GART: variants seen among roughly 807,000 people sequenced by gnomAD.
GART encodes trifunctional purine biosynthetic protein adenosine-3.
GART carries 43 observed loss-of-function variants against 107.2 expected under a neutral mutation model. The ratio of observed to expected loss-of-function variants is 0.40; its 90% CI spans 0.31 to 0.52. The LOEUF is 0.52. Among genes scored for constraint, GART ranks in the 20% least tolerant of loss-of-function variants. GART has a pLI of 0.52. For synonymous variants in GART, 434 were observed against 427.0 expected (o/e 1.02, Z -0.20); for missense variants, 1,107 against 1,206.5 (o/e 0.92, Z 1.22).
At chr21:33,504,709 A>C (rs2084649746) in intron 20 of GART, among the ~76,000 whole-genome samples, 182 bp from the exon 21 acceptor site, 1 of 152,186 alleles carries the variant, frequency 6.6e-6, no homozygotes, top group African/African-American at 2.4e-5. Context: ...CCCTGGAAGC[A>C]GCAAGTACCC....
intron 3 of GART, among the ~76,000 whole-genome samples, 170 bp downstream of exon 3, chr21:33,535,055 A>G (rs1448722880): frequency 1.3e-5 from 2 of 152,216 alleles, no homozygotes; most frequent in Admixed American, 6.5e-5. Context: ...AACTCATCAT[A>G]TAACTGATGC....
Position 33,517,338 on chromosome 21 carries a change from T to C in GART, c.1954+19A>G. On this transcript the variant is annotated intron_variant, in intron 15 of 21. Transcript: ENST00000381815. ...TCAGGCATTTCCAAGCAGGACAGTT[T>C]AAACATGAGGGAGTTTACCTAAAGT... 1 of 1,613,880 alleles carries C rather than the reference T, an allele frequency of 6.2e-7. No homozygotes were observed.
At chr21:33,539,415 G>C (rs756830695) in intron 1 of GART, 59 bp from the exon 2 acceptor site, 4 of 1,333,938 alleles carry the variant, frequency 3.0e-6, no homozygotes, top group Non-Finnish European at 3.1e-6. Context: ...ACCCAGGGAC[G>C]GGCACAGTGG....
chr21:33,522,039 G>C, intron 12 of GART, 149 bp downstream of exon 12: 1 of 542,126 alleles, frequency 1.8e-6, no homozygotes, highest in East Asian at 3.0e-5. Context: ...TTAAAGAAAA[G>C]AAAGCAGAAG....
chr21:33,504,499 C>G lies in GART; in HGVS notation c.2754G>C (p.Leu918Phe). 1 of 1,613,562 alleles carries G rather than the reference C, an allele frequency of 6.2e-7. No individual in the cohort carries two copies. ...CATTTGAACCCTTAAAAGAAGGGAG[C>G]AAGGATGGGTGGATATTGAGCATTT... Reference protein sequence around the residue: ...NGKMLNIHPSLLPSFKGSNAH... With the variant: ...NGKMLNIHPSFLPSFKGSNAH... The change falls in exon 21 of 22, where the codon TTG becomes TTC. Residue 918 changes from leucine (L) to phenylalanine (F), a missense_variant. Coordinates refer to ENST00000381815, the MANE Select transcript of GART (RefSeq NM_000819.5).
chr21:33,523,240 A>T (rs954977216), intron 11 of GART, among the ~76,000 whole-genome samples: 29 of 152,346 alleles, frequency 1.9e-4, no homozygotes, highest in African/African-American at 7.0e-4. Context: ...AAGCATACAA[A>T]AACAAAAAAC....
intron 1 of GART, 95 bp downstream of exon 1, chr21:33,541,970 A>C (rs932548341): frequency 1.3e-5 from 2 of 152,284 alleles, no homozygotes; most frequent in Non-Finnish European, 2.9e-5. Flanking sequence ...AAATTTCTAC[A>C]AATCAGTTTC....
At chr21:33,505,069 G>A (rs2084655406) in intron 20 of GART, among the ~76,000 whole-genome samples, 1 of 152,202 alleles carries the variant, frequency 6.6e-6, no homozygotes, top group Non-Finnish European at 1.5e-5. Context: ...ATGCAGTCAA[G>A]GCTTTTGGGA....
intron 7 of GART, among the ~76,000 whole-genome samples, chr21:33,530,285 C>T (rs528727144): frequency 6.6e-6 from 1 of 152,382 alleles, no homozygotes; most frequent in African/African-American, 2.4e-5. Context: ...TCTGATCTGA[C>T]TTGGTTCTCA....
At chr21:33,512,289 GAAA>G (rs563178142) in intron 16 of GART, among the ~76,000 whole-genome samples, 3 of 65,442 alleles carry the variant, frequency 4.6e-5, no homozygotes, top group African/African-American at 6.2e-5. Context: ...GACTCAAATT[GAAA>G]AAAAAAAAAA....
chr21:33,524,908 G>C lies in GART; in HGVS notation c.1159C>G (p.Leu387Val), dbSNP rs375083926. Reference sequence around the variant, plus strand: ...TTTTCCCGGATGGCTGTGACTGCAAGAACTCTACCCCCATGAGTTACTACT... The same window carrying C: ...TTTTCCCGGATGGCTGTGACTGCAACAACTCTACCCCCATGAGTTACTACT... ...GKVVTHGGRV[L>V]AVTAIRENLI... The change falls in exon 11 of 22, where the codon CTT becomes GTT. Residue 387 changes from leucine to valine, a missense_variant. Coordinates refer to ENST00000381815, the MANE Select transcript of GART (RefSeq NM_000819.5). 1.2e-6 allele frequency: 2 copies of C among 1,614,158 alleles called. No homozygotes were observed. The highest frequency in any genetic ancestry group is 1.3e-5 in the African/African-American group (1 of 75,032).
At chr21:33,504,563 A>G (rs1242780448) in intron 20 of GART, 36 bp from the exon 21 acceptor site, 1 of 1,450,448 alleles carries the variant, frequency 6.9e-7, no homozygotes, top group South Asian at 1.1e-5. Context: ...TCAGAATTTA[A>G]AAATCCTGGG....
chr21:33,538,627 A>G (rs1024947149), intron 2 of GART, among the ~76,000 whole-genome samples: 1 of 152,196 alleles, frequency 6.6e-6, no homozygotes, highest in Non-Finnish European at 1.5e-5. Flanking sequence ...TACTTTTCCA[A>G]TGGATGTGTT....
chr21:33,507,692 C>A lies in GART; in HGVS notation c.2453-1588G>T, dbSNP rs559842641. ...CTAAAAATACAAAAAATTAGCCAGG[C>A]ATAGTGGCAGGTGCCTGTAATCCCA... On this transcript the variant is annotated intron_variant, in intron 18 of 21. Coordinates refer to ENST00000381815, the MANE Select transcript of GART (RefSeq NM_000819.5). Among the ~76,000 whole-genome samples the A allele has an allele frequency of 2.2e-4, 34 of 152,116 alleles. 1 individual carries two copies. In the East Asian group the frequency reaches 6.6e-3, roughly 29 times the overall value.
chr21:33,539,247 C>G lies in GART; in HGVS notation c.69G>C (p.Gln23His), dbSNP rs1196188068. Residue 23 changes from glutamine (Q) to histidine (H), a missense_variant, in exon 2 of 22, where the codon CAG (glutamine) becomes CAC (histidine). Gln to His is a conservative substitution (Grantham distance 24). Transcript: ENST00000381815. ...CCAACACTTGTTTGACATGATGAGA[C>G]TGTGCAAGTTTCCAGGCCAGCGTAT... ...REHTLAWKLA[Q>H]SHHVKQVLVA... is the part of the protein sequence containing the mutation. 2 of 1,614,208 alleles carry G rather than the reference C, an allele frequency of 1.2e-6. No individual in the cohort carries two copies. The highest frequency in any genetic ancestry group is 1.7e-6 in the Non-Finnish European group (2 of 1,180,018).
chr21:33,510,225 G>A (rs753301323), intron 17 of GART: 8 of 241,300 alleles, frequency 3.3e-5, no homozygotes, highest in East Asian at 1.0e-4. Context: ...TCTTCCTAGC[G>A]AGACCACCCA....
At chr21:33,522,316 T>C (rs2834234) in intron 11 of GART, 34 bp from the exon 12 acceptor site, 1,077,929 of 1,369,414 alleles carry the variant, frequency 0.79, 426,865 homozygotes, top group East Asian at 0.98. Flanking sequence ...CACCTAAACG[T>C]CAGGGAAAAT....
At position 33,524,932 on chromosome 21, in the gene GART, C is replaced by G; in HGVS notation, c.1135G>C (p.Val379Leu). The G allele has an allele frequency of 6.2e-7, 1 of 1,614,202 alleles. No individual in the cohort carries two copies. Among genetic ancestry groups the G allele is most frequent in the South Asian group, 1.1e-5 (1 of 91,084 alleles). ...HAGTALKNGK[V>L]VTHGGRVLAV... Reference sequence around the variant, plus strand: ...AGAACTCTACCCCCATGAGTTACTACTTTGCCATTTTTGAGGGCAGTGCCT... The same window carrying G: ...AGAACTCTACCCCCATGAGTTACTAGTTTGCCATTTTTGAGGGCAGTGCCT... Residue 379 changes from valine (V) to leucine (L), a missense_variant, in exon 11 of 22, where the codon GTA becomes CTA. By Grantham distance (32) the Val-to-Leu change is conservative. Transcript: ENST00000381815.
At chr21:33,533,432 G>A (rs1318087427) in intron 4 of GART, among the ~76,000 whole-genome samples, 2 of 98,540 alleles carry the variant, frequency 2.0e-5, no homozygotes, top group African/African-American at 8.2e-5. Flanking sequence ...GTGAAAGAAC[G>A]AGACTCAAAA....
Sources: gnomAD v4.1 joint callset for allele counts (sites outside exome capture counted in the v4.1 genomes callset) on GRCh38, gnomAD v4.1.1 for gene constraint, MANE v1.5 for transcripts, NCBI Gene and HGNC (gene_info 2026-07-23, HGNC 2026-07-21) for gene names.